The following COL4A5 variants were observed in gnomAD, a reference collection of about 807,000 sequenced individuals.
The protein encoded by COL4A5 is collagen type IV alpha 5 chain.
COL4A5 carries 26 observed loss-of-function variants against 130.2 expected under a neutral mutation model. That is an observed-to-expected ratio of 0.20 (90% CI 0.15 to 0.28). The LOEUF (loss-of-function observed/expected upper bound fraction) is 0.28. COL4A5 is among the 10% of genes least tolerant of loss of function. The pLI is 1.00. For synonymous variants in COL4A5, 496 were observed against 439.6 expected (o/e 1.13, Z -1.60); for missense variants, 1,131 against 1,344.3 (o/e 0.84, Z 2.48).
In COL4A5 at chrX:108,620,311, T is replaced by C. The variant is rs764632397; in HGVS notation, c.2562T>C (p.Asp854=). ...GGGATCCAGGACCTCCTGGACTTGA[T>C]GTTCCAGGACCCCCAGGTGAAAGAG... ...EKGDPGPPGL[D]VPGPPGERGS... Residue 854 remains aspartate, a synonymous_variant, in exon 31 of 53, where the codon GAT becomes GAC. Transcript: ENST00000328300. 8.3e-7 allele frequency: 1 copy of C among 1,208,851 alleles called. No individual in the cohort carries two copies. Among genetic ancestry groups the C allele is most frequent in the South Asian group, 1.8e-5 (1 of 56,911 alleles).
At chrX:108,580,382 G>C in intron 13 of COL4A5, 151 bp from the exon 14 acceptor site, 1 of 555,754 alleles carries the variant, frequency 1.8e-6, no homozygotes, top group Non-Finnish European at 3.2e-6. Flanking sequence ...ATTCACTTAG[G>C]ATTATAGCCT....
rs2066535132 is a variant in COL4A5 at position 108,597,297 on chromosome X, G to A, written c.1588-80G>A. On this transcript the variant is annotated intron_variant, in intron 23 of 52. Transcript: ENST00000328300. ...AGGGGTAAACTGGAGAGAAGAAAAT[G>A]TTAGAAAAAAAGAAACTGATTTTCT... The A allele has an allele frequency of 2.8e-6, 3 of 1,055,347 alleles. No homozygotes were observed. In the African/African-American group the frequency reaches 5.6e-5, roughly 20 times the overall value. 87.0% of individuals were successfully genotyped at this position (1,055,347 alleles called of 1,213,427 possible).
intron 37 of COL4A5, among the ~76,000 whole-genome samples, chrX:108,659,801 TA>T (rs1420435539): frequency 9.0e-6 from 1 of 111,442 alleles, no homozygotes; most frequent in East Asian, 2.8e-4. Flanking sequence ...TTTTTAGGAA[TA>T]AAATGCATTC....
intron 1 of COL4A5, among the ~76,000 whole-genome samples, chrX:108,485,844 C>T (rs970753524): frequency 9.0e-6 from 1 of 110,928 alleles, no homozygotes; most frequent in South Asian, 3.8e-4. Context: ...TGTGCCTCCC[C>T]ACCCCCAAAT....
At chrX:108,529,702 G>A (rs2065360099) in intron 1 of COL4A5, among the ~76,000 whole-genome samples, 1 of 110,507 alleles carries the variant, frequency 9.0e-6, no homozygotes, top group Admixed American at 9.7e-5. Context: ...GAAAGTAAAG[G>A]GATGGCAAAA....
Position 108,655,334 on chromosome X carries a change from G to A in COL4A5, c.3250G>A (p.Glu1084Lys). 8.3e-7 allele frequency: 1 copy of A among 1,209,958 alleles called. No homozygotes were observed. Among genetic ancestry groups the A allele is most frequent in the Non-Finnish European group, 1.1e-6 (1 of 894,735 alleles). Residue 1084 changes from glutamate (E) to lysine (K), a missense_variant, in exon 37 of 53, where the codon GAG (glutamate) becomes AAG (lysine). Physicochemically the swap from Glu to Lys is moderately conservative, Grantham distance 56 (BLOSUM62 1). Coordinates refer to ENST00000328300, the MANE Select transcript of COL4A5 (RefSeq NM_033380.3). ...GLPGLPGPKGEPGLPGYPGNP... is the reference protein window; with the variant it reads ...GLPGLPGPKGKPGLPGYPGNP... ...ATCTTTTTATTCGTGTTTTCAGGGT[G>A]AGCCTGGTCTGCCTGGATACCCAGG... is the stretch of plus-strand genomic sequence containing the variant.
chrX:108,582,962 G>A lies in COL4A5; in HGVS notation c.990+25G>A, dbSNP rs200209771. 43 of 1,126,636 alleles carry A rather than the reference G, an allele frequency of 3.8e-5. No homozygotes were observed. The African/African-American group carries it at 5.9e-4, about 16-fold the overall frequency. The allele number at this position is 1,126,636 out of a possible 1,213,427, so 92.8% of individuals were successfully genotyped here. On this transcript the variant is annotated intron_variant, in intron 17 of 52. Coordinates refer to ENST00000328300, the MANE Select transcript of COL4A5 (RefSeq NM_033380.3). ...GGTAAGAATTTTAATACTTTGAAGT[G>A]ACTGGTTTAGTCTAGCTAAAATAAT...
At chrX:108,679,357 A>G (rs982725549) in intron 44 of COL4A5, among the ~76,000 whole-genome samples, 11 of 111,790 alleles carry the variant, frequency 9.8e-5, no homozygotes, top group Admixed American at 3.8e-4. Flanking sequence ...CTACCTCCAC[A>G]TATACTAGTC....
At chrX:108,613,512 A>G (rs2066872793) in intron 29 of COL4A5, among the ~76,000 whole-genome samples, 2 of 112,357 alleles carry the variant, frequency 1.8e-5, no homozygotes, top group East Asian at 5.5e-4. Context: ...CTGTATTTTC[A>G]TATCATATAT....
Position 108,526,599 on chromosome X carries a change from T to C in COL4A5, c.82-13147T>C, listed in dbSNP as rs868459645. Among the ~76,000 whole-genome samples, 135 of 17,267 alleles carry C rather than the reference T, an allele frequency of 7.8e-3. 1 individual carries two copies. Among genetic ancestry groups the C allele is most frequent in the Middle Eastern group, 0.029 (1 of 34 alleles). 15.0% of individuals were successfully genotyped at this position (17,267 alleles called of 115,157 possible). A position where few individuals can be genotyped will look rare whatever the true frequency, so the allele number is the denominator to read the frequency against. On this transcript the variant is annotated intron_variant, in intron 1 of 52. Coordinates refer to ENST00000328300, the MANE Select transcript of COL4A5 (RefSeq NM_033380.3). ...TCCCTCCCTCCCTCCCTCCCTCCTT[T>C]CTTTCTTTCTTTCTTTCTTTCTTTC...
rs5973879 is a variant in COL4A5 at position 108,506,283 on chromosome X, G to A, written c.82-33463G>A. Among the ~76,000 whole-genome samples, 448 of 111,011 alleles carry A rather than the reference G, an allele frequency of 4.0e-3. 3 individuals carry two copies. Among genetic ancestry groups the A allele is most frequent in the African/African-American group, 0.013 (400 of 30,543 alleles). ...TCAATACCACAGTCTTGGTGGAAAAGATACTTATTGTTACTTCTTTGATAA... is the reference window on the plus strand; with the variant it reads ...TCAATACCACAGTCTTGGTGGAAAAAATACTTATTGTTACTTCTTTGATAA... On this transcript the variant is annotated intron_variant, in intron 1 of 52. Transcript: ENST00000328300.
At chrX:108,441,562 C>G (rs1482845134) in intron 1 of COL4A5, among the ~76,000 whole-genome samples, 1 of 112,177 alleles carries the variant, frequency 8.9e-6, no homozygotes, top group African/African-American at 3.2e-5. Flanking sequence ...AATATTTTTA[C>G]TATGCATGCC....
chrX:108,602,916 T>C (rs1198149764), intron 27 of COL4A5, 48 bp from the exon 28 acceptor site: 2 of 906,892 alleles, frequency 2.2e-6, no homozygotes, highest in Non-Finnish European at 3.1e-6. Context: ...ATATCTTTCT[T>C]AAAGTGCCTT....
Position 108,695,251 on chromosome X carries a change from T to C in COL4A5, c.4822-16T>C. On this transcript the variant is annotated splice_polypyrimidine_tract_variant and intron_variant, in intron 51 of 52. Transcript: ENST00000328300. Reference sequence around the variant, plus strand: ...GCACATGGGTATTGCGGCACATTTTTCCTTGTCTTTTATAGCATACAAGTG... The same window carrying C: ...GCACATGGGTATTGCGGCACATTTTCCCTTGTCTTTTATAGCATACAAGTG... 8.3e-7 allele frequency: 1 copy of C among 1,210,243 alleles called. No homozygotes were observed. The highest frequency in any genetic ancestry group is 3.0e-5 in the East Asian group (1 of 33,830).
At chrX:108,673,521 T>C (rs2068245229) in intron 42 of COL4A5, among the ~76,000 whole-genome samples, 1 of 110,616 alleles carries the variant, frequency 9.0e-6, no homozygotes, top group Non-Finnish European at 1.9e-5. Context: ...GTGAATAGCC[T>C]GTCTTAATAT....
chrX:108,623,640 C>T lies in COL4A5; in HGVS notation c.2918-596C>T, dbSNP rs148674217. ...GTTTGTGGCTCTTTGTACGTTCTAT[C>T]CATCAATATTGTCAGTTCATGTGTA... On this transcript the variant is annotated intron_variant, in intron 33 of 52. Coordinates refer to ENST00000328300, the MANE Select transcript of COL4A5 (RefSeq NM_033380.3). 3.9e-3 allele frequency among the ~76,000 whole-genome samples: 434 copies of T among 111,511 alleles called. 2 individuals are homozygous for T. Among genetic ancestry groups the T allele is most frequent in the Non-Finnish European group, 5.4e-3 (287 of 53,002 alleles).
intron 1 of COL4A5, among the ~76,000 whole-genome samples, chrX:108,508,778 T>A (rs1242116567): frequency 1.8e-5 from 2 of 111,066 alleles, no homozygotes; most frequent in African/African-American, 6.5e-5. Context: ...CCATCTGATT[T>A]TAGACAAATA....
chrX:108,495,621 G>A (rs1324098050), intron 1 of COL4A5, among the ~76,000 whole-genome samples: 6 of 111,919 alleles, frequency 5.4e-5, no homozygotes, highest in Admixed American at 4.7e-4. Flanking sequence ...TTGGAGAAGA[G>A]ATGTGTGAAT....
intron 1 of COL4A5, among the ~76,000 whole-genome samples, chrX:108,451,179 C>A (rs371622081): frequency 5.4e-5 from 6 of 110,438 alleles, no homozygotes; most frequent in Non-Finnish European, 7.6e-5. Flanking sequence ...GGAACTCATC[C>A]TTTTTTATGG....
Sources: allele counts gnomAD v4.1 joint callset (sites outside exome capture counted in the v4.1 genomes callset), GRCh38; gene constraint gnomAD v4.1.1; transcripts MANE v1.5; gene names NCBI Gene and HGNC (gene_info 2026-07-23, HGNC 2026-07-21).